BTD: variants seen among roughly 807,000 people sequenced by gnomAD.
BTD encodes biocytinase.
BTD carries 13 observed loss-of-function variants against 17.7 expected under a neutral mutation model. The ratio of observed to expected loss-of-function variants is 0.74; its 90% CI spans 0.48 to 1.17. The LOEUF is 1.17. Among genes scored for constraint, BTD ranks in the 50% most tolerant of loss-of-function variants. The pLI, the probability that BTD is intolerant of heterozygous loss-of-function variation, is 0.00. For missense variants in BTD, 674 were observed against 650.4 expected, an observed-to-expected ratio of 1.04 and a Z score of -0.39; for synonymous variants, 240 against 245.2, an observed-to-expected ratio of 0.98 and a Z score of 0.20.
chr3:15,680,376 T>C (rs1330239326), intron 3 of BTD, among the ~76,000 whole-genome samples: 2 of 151,910 alleles, frequency 1.3e-5, no homozygotes, highest in African/African-American at 4.8e-5. Flanking sequence ...GCTAGCTTTT[T>C]TCGTATTTTT....
chr3:15,689,962 T>C (rs1195803825), intron 3 of BTD: 5 of 1,419,206 alleles, frequency 3.5e-6, no homozygotes, highest in Admixed American at 2.6e-5. Flanking sequence ...ATATCAGAAA[T>C]TGAAAAAAAG....
exon 4 of BTD, chr3:15,711,099 T>C: frequency 1.1e-6 from 1 of 932,482 alleles, no homozygotes; most frequent in South Asian, 1.9e-5. Context: ...CAACTCCTGT[T>C]TTGTTTTCTA....
At chr3:15,681,504 T>C (rs1195486278) in intron 3 of BTD, among the ~76,000 whole-genome samples, 1 of 152,250 alleles carries the variant, frequency 6.6e-6, no homozygotes, top group African/African-American at 2.4e-5. Context: ...TTGCTTATTT[T>C]ATTTCATTAG....
Position 15,601,836 on chromosome 3 carries a change from G to A in BTD, c.-75G>A, listed in dbSNP as rs770586986. 3.1e-6 allele frequency: 5 copies of A among 1,614,108 alleles called. No homozygotes were observed. In the South Asian group the frequency reaches 4.4e-5, roughly 14 times the overall value. Reference sequence around the variant, plus strand: ...AGTCGGCCAGCTGGAGCGTTTTCGGGGCTGTAAAGGGAGAATGGCGCATGC... The same window carrying A: ...AGTCGGCCAGCTGGAGCGTTTTCGGAGCTGTAAAGGGAGAATGGCGCATGC... On this transcript the variant is annotated 5_prime_UTR_variant, in exon 1 of 4. Coordinates refer to ENST00000643237, the MANE Select transcript of BTD (RefSeq NM_001370658.1).
intron 1 of BTD, among the ~76,000 whole-genome samples, chr3:15,626,702 A>G (rs2065073003): frequency 6.7e-6 from 1 of 148,670 alleles, no homozygotes; most frequent in African/African-American, 2.5e-5. Context: ...ACTTGAGCCT[A>G]GGAGTTTGAG....
intron 3 of BTD, among the ~76,000 whole-genome samples, chr3:15,673,583 G>A (rs1474234922): frequency 6.6e-6 from 1 of 152,120 alleles, no homozygotes; most frequent in Non-Finnish European, 1.5e-5. Context: ...AAAGAGTGGA[G>A]CAGGTTAACA....
rs2065330513 is a variant in BTD at position 15,635,725 on chromosome 3, C to T, written c.249+37C>T. ...CCTCGGAACCTGAGTTTCTCTCATACAGAGCAGATTGCTCTTTACCCCTTG... is the reference window on the plus strand; with the variant it reads ...CCTCGGAACCTGAGTTTCTCTCATATAGAGCAGATTGCTCTTTACCCCTTG... On this transcript the variant is annotated intron_variant, in intron 2 of 3. Coordinates refer to ENST00000643237, the MANE Select transcript of BTD (RefSeq NM_001370658.1). The surrounding 1 kb of genome is among the most constrained non-coding windows in gnomAD (Gnocchi z 4.1). 1.9e-6 allele frequency: 3 copies of T among 1,613,378 alleles called. No homozygotes were observed. In the East Asian group the frequency reaches 6.7e-5, roughly 36 times the overall value.
chr3:15,701,930 C>T (rs1160890457), intron 3 of BTD, among the ~76,000 whole-genome samples: 2 of 152,064 alleles, frequency 1.3e-5, no homozygotes, highest in Non-Finnish European at 2.9e-5. Context: ...ACATTTTACC[C>T]AAGGGCATTT....
chr3:15,610,551 G>C (rs1195400760), intron 1 of BTD, among the ~76,000 whole-genome samples: 2 of 152,132 alleles, frequency 1.3e-5, no homozygotes, highest in African/African-American at 4.8e-5. Context: ...TCTCATCCCA[G>C]TGATACATAA....
intron 1 of BTD, among the ~76,000 whole-genome samples, chr3:15,633,664 G>A (rs2065271339): frequency 6.6e-6 from 1 of 152,170 alleles, no homozygotes; most frequent in Non-Finnish European, 1.5e-5. Context: ...CTGGGGACTG[G>A]TTCATACCCT....
In BTD at chr3:15,635,697, G is replaced by C. The variant is rs774703369; in HGVS notation, c.249+9G>C. 1.9e-6 allele frequency: 3 copies of C among 1,614,008 alleles called. No individual in the cohort carries two copies. Among genetic ancestry groups the C allele is most frequent in the South Asian group, 1.1e-5 (1 of 91,066 alleles). ...TGACTGCAGCCCAAAAGGCAAGAAT[G>C]CTCCTCGGAACCTGAGTTTCTCTCA... On this transcript the variant is annotated intron_variant, in intron 2 of 3. Transcript: ENST00000643237. The surrounding 1 kb of genome is among the most constrained non-coding windows in gnomAD (Gnocchi z 4.1).
chr3:15,643,896 AAAAAAAAAAAGAAAAGAAAG>A (rs929537272), intron 3 of BTD, among the ~76,000 whole-genome samples: 4 of 150,066 alleles, frequency 2.7e-5, no homozygotes, highest in African/African-American at 7.3e-5. Flanking sequence ...GTCTCTGAAA[AAAAAAAAAAAGAAAAGAAAG>A]AAAAAAAAAA....
chr3:15,640,180 A>G (rs1417362015), intron 2 of BTD, among the ~76,000 whole-genome samples: 1 of 152,234 alleles, frequency 6.6e-6, no homozygotes, highest in Non-Finnish European at 1.5e-5. Context: ...ACTTTATTCC[A>G]AAGAAATAAT....
rs770794804 is a variant in BTD, at chr3:15,635,846, T to C, written c.249+158T>C. Among the ~76,000 whole-genome samples the C allele has an allele frequency of 1.3e-5, 2 of 152,188 alleles. No individual in the cohort carries two copies. Among genetic ancestry groups the C allele is most frequent in the Non-Finnish European group, 2.9e-5 (2 of 68,036 alleles). On this transcript the variant is annotated intron_variant, in intron 2 of 3. Coordinates refer to ENST00000643237, the MANE Select transcript of BTD (RefSeq NM_001370658.1). The surrounding 1 kb of genome is among the most constrained non-coding windows in gnomAD (Gnocchi z 4.1). ...AGTTAGTCAGTTGAATTAGGAGCCT[T>C]ACCCCTCAGAGAGTGGTCCGTGGAC...
chr3:15,709,599 G>T, intron 3 of BTD: 2 of 1,066,458 alleles, frequency 1.9e-6, no homozygotes, highest in Non-Finnish European at 2.7e-6. Flanking sequence ...ATTTTCAGAA[G>T]CCAGTTAGAA....
At chr3:15,711,351 A>G in exon 4 of BTD, 1 of 1,260,632 alleles carries the variant, frequency 7.9e-7, no homozygotes, top group Non-Finnish European at 1.1e-6. Context: ...AACATCAAGA[A>G]TCACATCCTC....
At chr3:15,621,958 A>G (rs2064962307) in intron 1 of BTD, among the ~76,000 whole-genome samples, 1 of 152,138 alleles carries the variant, frequency 6.6e-6, no homozygotes, top group African/African-American at 2.4e-5. Flanking sequence ...GTTGTTTATA[A>G]TATTCCTTTA....
chr3:15,670,015 C>A (rs1411943557), intron 3 of BTD: 1 of 422,672 alleles, frequency 2.4e-6, no homozygotes, highest in African/African-American at 2.0e-5. Context: ...ACTGCAAAAC[C>A]AAATTAAACA....
intron 3 of BTD, chr3:15,667,655 C>T (rs1383870837): frequency 6.6e-6 from 1 of 152,160 alleles, no homozygotes; most frequent in African/African-American, 2.4e-5. Flanking sequence ...CCATTTGAGA[C>T]AGTACTTTGG....
Sources: allele counts gnomAD v4.1 joint callset (sites outside exome capture counted in the v4.1 genomes callset), GRCh38; gene constraint gnomAD v4.1.1; non-coding constraint Gnocchi (gnomAD v3.1); transcripts MANE v1.5; gene names NCBI Gene and HGNC (gene_info 2026-07-23, HGNC 2026-07-21).